DGKI: variants seen among roughly 807,000 people sequenced by gnomAD.
DGKI encodes the protein DAG kinase iota.
Under a neutral mutation model 147.5 loss-of-function variants are expected in DGKI, and 55 were observed. That is an observed-to-expected ratio of 0.37 (90% CI 0.30 to 0.47). DGKI has a LOEUF of 0.47. DGKI is among the 20% of genes least tolerant of loss of function. DGKI has a pLI of 1.00. For missense variants in DGKI, 1,007 were observed against 1,323.8 expected (o/e 0.76, Z 3.71); for synonymous variants, 469 against 477.1 (o/e 0.98, Z 0.22).
chr7:137,456,763 A>C (rs1049093453), intron 27 of DGKI, among the ~76,000 whole-genome samples: 2 of 152,370 alleles, frequency 1.3e-5, no homozygotes, highest in Non-Finnish European at 2.9e-5. Flanking sequence ...ATTTCAAATA[A>C]AATGGATGTT....
chr7:137,563,451 A>G (rs1198781233), intron 19 of DGKI, among the ~76,000 whole-genome samples: 1 of 151,976 alleles, frequency 6.6e-6, no homozygotes, highest in South Asian at 2.1e-4. Flanking sequence ...TTTTTTAAAT[A>G]AAAAATAAAA....
At chr7:137,398,912 A>G (rs895866787) in intron 30 of DGKI, among the ~76,000 whole-genome samples, 1 of 151,910 alleles carries the variant, frequency 6.6e-6, no homozygotes, top group African/African-American at 2.4e-5. Context: ...CCAATACATC[A>G]TATCTACTGC....
intron 1 of DGKI, among the ~76,000 whole-genome samples, chr7:137,840,860 G>A (rs936796655): frequency 6.6e-6 from 1 of 152,190 alleles, no homozygotes; most frequent in Non-Finnish European, 1.5e-5. Context: ...CAGAGTCATC[G>A]ATTCAAATGA....
At chr7:137,525,982 T>C (rs952903564) in intron 20 of DGKI, among the ~76,000 whole-genome samples, 1 of 150,964 alleles carries the variant, frequency 6.6e-6, no homozygotes. Context: ...ACTAAAAACA[T>C]GAAAACAGAC....
intron 20 of DGKI, among the ~76,000 whole-genome samples, chr7:137,525,353 G>A (rs531335999): frequency 1.3e-5 from 2 of 152,236 alleles, no homozygotes; most frequent in Admixed American, 1.3e-4. Context: ...TCTGGGCGGG[G>A]TATCTGTTTT....
intron 2 of DGKI, among the ~76,000 whole-genome samples, chr7:137,687,985 C>T (rs1197498084): frequency 2.6e-5 from 4 of 152,100 alleles, no homozygotes; most frequent in African/African-American, 9.7e-5. Context: ...CCACCACTGG[C>T]CAAAAATACC....
intron 20 of DGKI, among the ~76,000 whole-genome samples, chr7:137,530,617 G>C (rs900029556): frequency 6.6e-6 from 1 of 152,130 alleles, no homozygotes; most frequent in Non-Finnish European, 1.5e-5. Flanking sequence ...TTTTCAATAT[G>C]TGTTAAATTA....
chr7:137,394,389 C>T (rs1031324816), intron 32 of DGKI, among the ~76,000 whole-genome samples: 13 of 152,290 alleles, frequency 8.5e-5, no homozygotes, highest in African/African-American at 2.9e-4. Flanking sequence ...CCAGGGAAGC[C>T]AAAAGATTGG....
intron 28 of DGKI, among the ~76,000 whole-genome samples, chr7:137,432,170 C>T (rs1294773470): frequency 6.6e-6 from 1 of 152,146 alleles, no homozygotes; most frequent in Non-Finnish European, 1.5e-5. Flanking sequence ...ATCGATGCGT[C>T]CTGTATAGCC....
At chr7:137,669,642 G>A (rs1476812306) in intron 3 of DGKI, among the ~76,000 whole-genome samples, 1 of 152,118 alleles carries the variant, frequency 6.6e-6, no homozygotes, top group African/African-American at 2.4e-5. Flanking sequence ...CAGAAAAGAT[G>A]ACAATTATTC....
chr7:137,701,720 T>C (rs556609238), intron 1 of DGKI, among the ~76,000 whole-genome samples: 2 of 152,304 alleles, frequency 1.3e-5, no homozygotes, highest in Non-Finnish European at 2.9e-5. Flanking sequence ...CATATTTGTG[T>C]ATTGAAAGAT....
intron 14 of DGKI, 36 bp downstream of exon 14, chr7:137,585,173 C>T: frequency 1.4e-5 from 23 of 1,612,468 alleles, no homozygotes; most frequent in Non-Finnish European, 2.0e-5. Flanking sequence ...GCAGATGCTC[C>T]AGGGCTCCTT....
intron 28 of DGKI, among the ~76,000 whole-genome samples, chr7:137,419,852 T>C (rs142602968): frequency 3.3e-5 from 5 of 152,340 alleles, no homozygotes; most frequent in African/African-American, 1.2e-4. Flanking sequence ...ACTGAAGGTT[T>C]TTAACATATT....
chr7:137,652,343 T>C (rs533257239), intron 5 of DGKI, among the ~76,000 whole-genome samples: 14 of 152,226 alleles, frequency 9.2e-5, no homozygotes, highest in African/African-American at 3.1e-4. Flanking sequence ...ACGATTAAAA[T>C]TGTCTCTCTT....
chr7:137,639,026 G>A (rs918321471), intron 6 of DGKI, among the ~76,000 whole-genome samples: 3 of 152,122 alleles, frequency 2.0e-5, no homozygotes, highest in Non-Finnish European at 2.9e-5. Context: ...CTATCTGACA[G>A]TAATTCTAAA....
chr7:137,689,988 C>CG lies in DGKI; in HGVS notation c.415dup (p.Arg139ProfsTer33), dbSNP rs774576876. 6.3e-7 allele frequency: 1 copy of CG among 1,595,692 alleles called. No individual in the cohort carries two copies. Among genetic ancestry groups the CG allele is most frequent in the East Asian group, 2.3e-5 (1 of 44,200 alleles). Reference sequence around the variant, plus strand: ...AGGAGCCAGATGCTGGAGGCCTGCCCGGGAGATTGCTTTCCTGCAGCAAGA... The same window carrying CG: ...AGGAGCCAGATGCTGGAGGCCTGCCCGGGGAGATTGCTTTCCTGCAGCAAGA... On this transcript the variant is annotated frameshift_variant, in exon 2 of 33. Coordinates refer to ENST00000614521, the MANE Select transcript of DGKI (RefSeq NM_001321708.2). LOFTEE classifies it high-confidence loss of function.
intron 21 of DGKI, among the ~76,000 whole-genome samples, chr7:137,519,420 A>G (rs1323875388): frequency 6.6e-6 from 1 of 152,094 alleles, no homozygotes; most frequent in African/African-American, 2.4e-5. Flanking sequence ...CACACCATCA[A>G]GAAATGGAAC....
At chr7:137,739,126 C>T (rs1795104869) in intron 1 of DGKI, among the ~76,000 whole-genome samples, 1 of 152,116 alleles carries the variant, frequency 6.6e-6, no homozygotes, top group African/African-American at 2.4e-5. Context: ...TGAAATCCAG[C>T]CCATGCTCAG....
chr7:137,773,891 TA>T (rs1043816255), intron 1 of DGKI, among the ~76,000 whole-genome samples: 5 of 152,168 alleles, frequency 3.3e-5, no homozygotes, highest in African/African-American at 1.2e-4. Flanking sequence ...ACAGAAGTAG[TA>T]AAGTGATTCA....
Sources: gnomAD v4.1 joint callset for allele counts (sites outside exome capture counted in the v4.1 genomes callset) on GRCh38, gnomAD v4.1.1 for gene constraint, MANE v1.5 for transcripts, NCBI Gene and HGNC (gene_info 2026-07-23, HGNC 2026-07-21) for gene names.